The following ELFN2 variants were observed in gnomAD, a reference collection of about 807,000 sequenced individuals.
The protein encoded by ELFN2 is extracellular leucine rich repeat and fibronectin type III domain containing 2, also known as protein phosphatase 1 regulatory subunit 29.
Under a neutral mutation model 45.5 loss-of-function variants are expected in ELFN2, and 17 were observed. The observed-to-expected ratio is 0.37, with a 90% CI of 0.26 to 0.56. ELFN2 has a LOEUF of 0.56. ELFN2 is among the 20% of genes least tolerant of loss of function. The pLI is 0.77. For synonymous variants in ELFN2, 550 were observed against 551.5 expected (o/e 1.00, Z 0.04); for missense variants, 922 against 1,183.2 (o/e 0.78, Z 3.24).
chr22:37,353,007 C>G (rs556368151), intron 1 of ELFN2: 2 of 151,054 alleles, frequency 1.3e-5, no homozygotes, highest in African/African-American at 4.8e-5. Flanking sequence ...AGAAGTGGCT[C>G]TGGCCTACAC....
rs574958370 is a variant in ELFN2 at position 37,410,534 on chromosome 22, G to A, written c.-463+7235C>T. Reference sequence around the variant, plus strand: ...CTCCCCAGATGGTGCTGAGGGCAGCGTCCAGGTCAGCTGCCATCTCAGCCC... The same window carrying A: ...CTCCCCAGATGGTGCTGAGGGCAGCATCCAGGTCAGCTGCCATCTCAGCCC... On this transcript the variant is annotated intron_variant, in intron 2 of 2. Transcript: ENST00000402918. 3.3e-5 allele frequency among the ~76,000 whole-genome samples: 5 copies of A among 152,230 alleles called. No homozygotes were observed. The South Asian group carries it at 8.3e-4, about 25-fold the overall frequency.
chr22:37,420,708 AG>A (rs133732), intron 1 of ELFN2, among the ~76,000 whole-genome samples: 52,983 of 152,114 alleles, frequency 0.35, 9,820 homozygotes, highest in Non-Finnish European at 0.41. Flanking sequence ...AATGATGCAG[AG>A]GGGGCGTTCT....
chr22:37,409,851 G>T (rs1932601974), intron 2 of ELFN2, among the ~76,000 whole-genome samples: 2 of 152,060 alleles, frequency 1.3e-5, no homozygotes. Context: ...AATCCCTCCT[G>T]GGTAAGAACA....
chr22:37,343,558 T>C (rs1450378777), intron 1 of ELFN2, among the ~76,000 whole-genome samples: 1 of 152,030 alleles, frequency 6.6e-6, no homozygotes, highest in Admixed American at 6.5e-5. Context: ...CCAGCTTCCC[T>C]CATTGCTGTG....
chr22:37,418,329 C>T (rs1400938434), intron 1 of ELFN2, among the ~76,000 whole-genome samples: 1 of 151,992 alleles, frequency 6.6e-6, no homozygotes, highest in Non-Finnish European at 1.5e-5. Context: ...GGCTTCCAAT[C>T]GTAACCCATG....
chr22:37,375,053 T>A lies in ELFN2; in HGVS notation c.482A>T (p.Asn161Ile). The change falls in exon 3 of 3, where the codon AAC becomes ATC. Residue 161 changes from asparagine (N) to isoleucine (I), a missense_variant. This residue lies in a region of ELFN2 where 358 missense variants were observed against 540.4 expected (regional missense o/e 0.66). Transcript: ENST00000402918. ...PSLISIDLSSNRLSRLDGATF... is the reference protein window; with the variant it reads ...PSLISIDLSSIRLSRLDGATF... ...GGCACCGTCCAGGCGGCTGAGGCGGTTGGAGGACAGGTCGATGCTGATGAG... is the reference window on the plus strand; with the variant it reads ...GGCACCGTCCAGGCGGCTGAGGCGGATGGAGGACAGGTCGATGCTGATGAG... 1 of 1,613,244 alleles carries A rather than the reference T, an allele frequency of 6.2e-7. No homozygotes were observed. The highest frequency in any genetic ancestry group is 2.2e-5 in the East Asian group (1 of 44,852).
intron 1 of ELFN2, among the ~76,000 whole-genome samples, chr22:37,362,310 T>G (rs1176636249): frequency 1.3e-5 from 2 of 152,196 alleles, no homozygotes; most frequent in Non-Finnish European, 2.9e-5. Flanking sequence ...ATAATCTAAA[T>G]AACTGCCAGA....
At position 37,368,560 on chromosome 22, in the gene ELFN2, G is replaced by A. The variant is rs1310548800; in HGVS notation, c.*4512C>T. The stretch of plus-strand genomic sequence containing the variant: ...GTCAGGGAAGGAGTGTGTCAGGATG[G>A]AATCTGAGCATGAGAGTTAGAGGAG... On this transcript the variant is annotated 3_prime_UTR_variant, in exon 3 of 3. Transcript: ENST00000402918. The A allele has an allele frequency of 2.0e-5, 3 of 152,228 alleles. No individual in the cohort carries two copies. Among genetic ancestry groups the A allele is most frequent in the Admixed American group, 2.0e-4 (3 of 15,284 alleles). 9.4% of individuals were successfully genotyped at this position (152,228 alleles called of 1,614,324 possible).
At position 37,374,128 on chromosome 22, in the gene ELFN2, G is replaced by C. The variant is rs777615510; in HGVS notation, c.1407C>G (p.Arg469=). Reference sequence around the variant, plus strand: ...CGATCATGGAGGGGATGGAGGCCATGCGAGATACGGGCAGCACGGGAGGCT... The same window carrying C: ...CGATCATGGAGGGGATGGAGGCCATCCGAGATACGGGCAGCACGGGAGGCT... ...LGEPPVLPVS[R]MASIPSMIGE... is the part of the protein sequence containing the mutation. The change falls in exon 3 of 3, where the codon CGC becomes CGG. Residue 469 remains arginine, a synonymous_variant. Coordinates refer to ENST00000402918, the MANE Select transcript of ELFN2 (RefSeq NM_052906.5). 1 of 1,613,000 alleles carries C rather than the reference G, an allele frequency of 6.2e-7. No homozygotes were observed. Among genetic ancestry groups the C allele is most frequent in the South Asian group, 1.1e-5 (1 of 91,078 alleles).
Position 37,416,804 on chromosome 22 carries a change from G to A in ELFN2, c.-463+965C>T, listed in dbSNP as rs547789208. On this transcript the variant is annotated intron_variant, in intron 2 of 2. Coordinates refer to ENST00000402918, the MANE Select transcript of ELFN2 (RefSeq NM_052906.5). ...CACCACACCTCCTCCGTCCTCCGGG[G>A]CGCACCCACCACCCTGCACAAGCCC... 7.2e-5 allele frequency among the ~76,000 whole-genome samples: 11 copies of A among 151,822 alleles called. No homozygotes were observed. The South Asian group carries it at 1.7e-3, about 23-fold the overall frequency.
intron 2 of ELFN2, among the ~76,000 whole-genome samples, chr22:37,415,132 T>C (rs1237148612): frequency 6.6e-6 from 1 of 152,196 alleles, no homozygotes; most frequent in Non-Finnish European, 1.5e-5. Flanking sequence ...TGAAAGACAG[T>C]TACCCGTCAC....
chr22:37,375,478 G>A lies in ELFN2; in HGVS notation c.57C>T (p.Ala19=), dbSNP rs756407312. The change falls in exon 3 of 3, where the codon GCC becomes GCT. Residue 19 remains alanine, a synonymous_variant. Coordinates refer to ENST00000402918, the MANE Select transcript of ELFN2 (RefSeq NM_052906.5). The stretch of plus-strand genomic sequence containing the variant: ...CAATGAGCCAGCAGTCGGCACGCAC[G>A]GCACCCGGCCGGCACACGCACAGCA... ...AALLCVCRPG[A]VRADCWLIEG... is the part of the protein sequence containing the mutation. 1.0e-5 allele frequency: 16 copies of A among 1,600,982 alleles called. No individual in the cohort carries two copies. The highest frequency in any genetic ancestry group is 3.5e-5 in the Admixed American group (2 of 57,794).
intron 1 of ELFN2, among the ~76,000 whole-genome samples, chr22:37,422,187 A>C (rs1466758800): frequency 6.6e-6 from 1 of 152,102 alleles, no homozygotes; most frequent in African/African-American, 2.4e-5. Flanking sequence ...GGTGAAAAGG[A>C]TGGGAAAGAA....
Position 37,373,818 on chromosome 22 carries a change from C to G in ELFN2, c.1717G>C (p.Glu573Gln), listed in dbSNP as rs753049260. ...AGGGACTGGCACTCGAAGGCCAGCT[C>G]GGGGTCCCCACTGCTGCTGCCGCCT... The part of the protein sequence containing the change: ...LGGGSSSGDP[E>Q]LAFECQSLPA... The change falls in exon 3 of 3, where the codon GAG (glutamate) becomes CAG (glutamine). Residue 573 changes from glutamate to glutamine, a missense_variant. Around this residue, in one of 2 missense-constraint regions of ELFN2, gnomAD observed 564 missense variants for 642.8 expected, o/e 0.88. Transcript: ENST00000402918. 6.2e-7 allele frequency: 1 copy of G among 1,612,534 alleles called. No individual in the cohort carries two copies. Among genetic ancestry groups the G allele is most frequent in the South Asian group, 1.1e-5 (1 of 91,006 alleles).
At chr22:37,395,466 G>C (rs1932191328) in intron 2 of ELFN2, among the ~76,000 whole-genome samples, 1 of 152,162 alleles carries the variant, frequency 6.6e-6, no homozygotes, top group Non-Finnish European at 1.5e-5. Flanking sequence ...CTTCCCAAAG[G>C]CACACAGCTA....
intron 2 of ELFN2, chr22:37,342,477 A>T (rs559878244): frequency 6.6e-6 from 1 of 152,240 alleles, no homozygotes; most frequent in Non-Finnish European, 1.5e-5. Flanking sequence ...ATGCAATGGG[A>T]GGAGTGGGGT....
chr22:37,355,354 C>T (rs756765089), intron 1 of ELFN2, among the ~76,000 whole-genome samples: 11 of 152,220 alleles, frequency 7.2e-5, no homozygotes, highest in Non-Finnish European at 1.2e-4. Context: ...TGGCCGGGCC[C>T]GAGGCCACCT....
chr22:37,393,538 A>G (rs1396780811), intron 2 of ELFN2, among the ~76,000 whole-genome samples: 1 of 152,210 alleles, frequency 6.6e-6, no homozygotes, highest in Non-Finnish European at 1.5e-5. Context: ...CGATGAGGAC[A>G]ACAGTAATAA....
chr22:37,362,958 A>G (rs1321291764), intron 1 of ELFN2, among the ~76,000 whole-genome samples: 1 of 152,102 alleles, frequency 6.6e-6, no homozygotes. Context: ...TCCACAGCCC[A>G]TTGCCAGCAC....
Sources: gnomAD v4.1 joint callset for allele counts (sites outside exome capture counted in the v4.1 genomes callset) on GRCh38, gnomAD v4.1.1 for gene constraint, gnomAD v4.1.1 regional missense constraint, MANE v1.5 for transcripts, NCBI Gene and HGNC (gene_info 2026-07-23, HGNC 2026-07-21) for gene names.